ZNF608: variants seen among roughly 807,000 people sequenced by gnomAD.
The protein encoded by ZNF608 is zinc finger protein 608.
In ZNF608, 12 loss-of-function variants were observed where a neutral mutation model predicts 109.0. That is an observed-to-expected ratio of 0.11 (90% CI 0.07 to 0.18). The LOEUF is 0.18. Among genes scored for constraint, ZNF608 ranks in the 10% least tolerant of loss-of-function variants. The pLI is 1.00. For missense variants in ZNF608, 1,707 were observed against 1,879.3 expected, an observed-to-expected ratio of 0.91 and a Z score of 1.70; for synonymous variants, 732 against 717.4, an observed-to-expected ratio of 1.02 and a Z score of -0.33.
intron 2 of ZNF608, among the ~76,000 whole-genome samples, chr5:124,743,526 T>C (rs1749506038): frequency 6.6e-6 from 1 of 152,176 alleles, no homozygotes; most frequent in South Asian, 2.1e-4. Context: ...GGATATCCTT[T>C]CACAGTACTA....
At chr5:124,746,111 GC>G in intron 1 of ZNF608, 83 bp downstream of exon 1, 1 of 984,386 alleles carries the variant, frequency 1.0e-6, no homozygotes, top group Non-Finnish European at 1.2e-6. Flanking sequence ...AAAGGGATCA[GC>G]CCCTTTTTAA....
chr5:124,722,557 TATAA>T (rs1223259384), intron 2 of ZNF608, among the ~76,000 whole-genome samples: 3 of 149,172 alleles, frequency 2.0e-5, no homozygotes, highest in East Asian at 2.0e-4. Context: ...ATGATTTTTC[TATAA>T]ATAAACCCTT....
chr5:124,727,827 T>A (rs1580704433), intron 2 of ZNF608, among the ~76,000 whole-genome samples: 1 of 145,588 alleles, frequency 6.9e-6, no homozygotes, highest in Admixed American at 6.9e-5. Flanking sequence ...ACAACCTCCA[T>A]CTCCCGGGTT....
At chr5:124,703,660 C>T (rs181874301) in intron 2 of ZNF608, among the ~76,000 whole-genome samples, 26 of 152,138 alleles carry the variant, frequency 1.7e-4, no homozygotes, top group African/African-American at 4.8e-4. Context: ...CCCAGATACT[C>T]GAGAGGCTGA....
At chr5:124,638,449 G>T (rs1159078518) in intron 9 of ZNF608, among the ~76,000 whole-genome samples, 3 of 152,168 alleles carry the variant, frequency 2.0e-5, no homozygotes, top group Non-Finnish European at 4.4e-5. Flanking sequence ...TAGAGATGGG[G>T]TTTCACCATG....
intron 3 of ZNF608, among the ~76,000 whole-genome samples, chr5:124,657,867 T>C (rs1751082429): frequency 1.3e-5 from 2 of 152,264 alleles, no homozygotes; most frequent in South Asian, 4.1e-4. Flanking sequence ...AAAAATCACA[T>C]GGAGATCTTT....
At chr5:124,656,128 G>T (rs1399103808) in intron 3 of ZNF608, among the ~76,000 whole-genome samples, 1 of 152,124 alleles carries the variant, frequency 6.6e-6, no homozygotes, top group Non-Finnish European at 1.5e-5. Context: ...ACACAGTGCT[G>T]CGATTAGTCA....
chr5:124,709,170 CAAAAAAA>C (rs1156276798), intron 2 of ZNF608, among the ~76,000 whole-genome samples: 10 of 32,710 alleles, frequency 3.1e-4, no homozygotes, highest in African/African-American at 7.1e-4. Context: ...GACTCTGTCT[CAAAAAAA>C]AAAAAAAAAA....
chr5:124,713,107 C>G (rs1194827005), intron 2 of ZNF608, among the ~76,000 whole-genome samples: 3 of 152,226 alleles, frequency 2.0e-5, no homozygotes, highest in Non-Finnish European at 4.4e-5. Flanking sequence ...GCACATGCCC[C>G]TTAATCACCA....
chr5:124,730,393 A>G (rs1364279187), intron 2 of ZNF608, among the ~76,000 whole-genome samples: 1 of 152,260 alleles, frequency 6.6e-6, no homozygotes, highest in African/African-American at 2.4e-5. Context: ...GTTGTCATCC[A>G]ATCACCAGTA....
chr5:124,696,327 T>G (rs1045095574), intron 3 of ZNF608, among the ~76,000 whole-genome samples: 1 of 152,204 alleles, frequency 6.6e-6, no homozygotes. Context: ...AAACAAGCAT[T>G]CATCCTCTCA....
intron 9 of ZNF608, 89 bp downstream of exon 9, chr5:124,639,044 G>A (rs1750113128): frequency 2.3e-6 from 3 of 1,295,796 alleles, no homozygotes; most frequent in Non-Finnish European, 3.3e-6. Flanking sequence ...AAGGAGTTAA[G>A]TTTTTGGTCT....
chr5:124,699,369 A>C (rs886210744), intron 3 of ZNF608, among the ~76,000 whole-genome samples: 3 of 152,188 alleles, frequency 2.0e-5, no homozygotes, highest in Non-Finnish European at 4.4e-5. Context: ...GGCTCCTCCT[A>C]CATCAGTTCC....
intron 2 of ZNF608, among the ~76,000 whole-genome samples, chr5:124,737,348 T>G (rs1402355493): frequency 2.0e-5 from 3 of 152,172 alleles, no homozygotes; most frequent in African/African-American, 7.2e-5. Context: ...AGCTCAGTAG[T>G]TGGGTTGGAA....
At chr5:124,727,274 G>C (rs986361305) in intron 2 of ZNF608, among the ~76,000 whole-genome samples, 1 of 152,156 alleles carries the variant, frequency 6.6e-6, no homozygotes, top group African/African-American at 2.4e-5. Flanking sequence ...CAAGGCTTCA[G>C]AGGAAATAAA....
At chr5:124,685,244 C>T (rs561356262) in intron 3 of ZNF608, among the ~76,000 whole-genome samples, 2 of 149,786 alleles carry the variant, frequency 1.3e-5, no homozygotes, top group Non-Finnish European at 2.9e-5. Context: ...TCATTTTGGG[C>T]TCTAATCAAT....
In ZNF608 at chr5:124,733,217, CTTT is replaced by C. The variant is rs67421322; in HGVS notation, c.906+10864_906+10866del. Among the ~76,000 whole-genome samples, 41 of 117,580 alleles carry C rather than the reference CTTT, an allele frequency of 3.5e-4. 1 individual carries two copies. In the South Asian group the frequency reaches 6.3e-3, roughly 18 times the overall value. The allele number at this position is 117,580 out of a possible 152,430, so 77.1% of individuals were successfully genotyped here. On this transcript the variant is annotated intron_variant, in intron 2 of 9. Coordinates refer to ENST00000513986, the MANE Select transcript of ZNF608 (RefSeq NM_020747.3). ...CCATTCATTCTCTCTATCTCTCTCT[CTTT>C]TTTTTTTTTTTTTTTTTTTTCTGTT...
chr5:124,691,097 G>A (rs902045113), intron 3 of ZNF608, among the ~76,000 whole-genome samples: 4 of 152,082 alleles, frequency 2.6e-5, no homozygotes, highest in South Asian at 4.2e-4. Context: ...ACACCAACCC[G>A]CACAACATAG....
At chr5:124,746,034 C>A (rs1749627830) in intron 1 of ZNF608, 161 bp downstream of exon 1, 1 of 676,518 alleles carries the variant, frequency 1.5e-6, no homozygotes, top group Non-Finnish European at 1.8e-6. Context: ...TTTAAGTGAT[C>A]TGCGCCAAGG....
Sources: allele counts gnomAD v4.1 joint callset (sites outside exome capture counted in the v4.1 genomes callset), GRCh38; gene constraint gnomAD v4.1.1; transcripts MANE v1.5; gene names NCBI Gene and HGNC (gene_info 2026-07-23, HGNC 2026-07-21).